Variants in AOPEP observed in about 807,000 individuals in gnomAD.
The protein encoded by AOPEP is aminopeptidase O.
Under a neutral mutation model 98.1 loss-of-function variants are expected in AOPEP, and 77 were observed. The observed-to-expected ratio is 0.78, with a 90% CI of 0.65 to 0.95. AOPEP has a LOEUF of 0.95. AOPEP is among the 40% of genes least tolerant of loss of function. The pLI is 0.00. For missense variants in AOPEP, 1,024 were observed against 1,024.7 expected (o/e 1.00, Z 0.01); for synonymous variants, 346 against 365.3 (o/e 0.95, Z 0.60).
intron 5 of AOPEP, among the ~76,000 whole-genome samples, chr9:94,857,941 C>T (rs2044435245): frequency 6.6e-6 from 1 of 151,828 alleles, no homozygotes; most frequent in Admixed American, 6.6e-5. Context: ...TTTTAAGACA[C>T]AGGATCTCAC....
intron 11 of AOPEP, among the ~76,000 whole-genome samples, chr9:94,989,609 CT>C (rs71498953): frequency 0.043 from 5,301 of 123,898 alleles, 236 homozygotes; most frequent in African/African-American, 0.15. Context: ...GTAACCCAAA[CT>C]TTTTTTTTTT....
intron 5 of AOPEP, among the ~76,000 whole-genome samples, chr9:94,818,350 A>G (rs139303966): frequency 3.0e-3 from 456 of 152,330 alleles, no homozygotes; most frequent in Non-Finnish European, 4.8e-3. Context: ...TACAGTTCCT[A>G]TCAACCCAAT....
At chr9:94,726,915 C>T (rs1472258565) in intron 1 of AOPEP, among the ~76,000 whole-genome samples, 164 bp downstream of exon 1, 3 of 152,224 alleles carry the variant, frequency 2.0e-5, no homozygotes, top group Non-Finnish European at 4.4e-5. Flanking sequence ...TTCTCCCAGA[C>T]TCCTGGGGCT....
chr9:94,810,961 T>C (rs984441871), intron 5 of AOPEP, among the ~76,000 whole-genome samples: 1 of 152,224 alleles, frequency 6.6e-6, no homozygotes, highest in African/African-American at 2.4e-5. Context: ...CTGAAGGCCT[T>C]CTTCCTTCAG....
intron 13 of AOPEP, among the ~76,000 whole-genome samples, chr9:95,056,942 A>G (rs1036584764): frequency 6.6e-6 from 1 of 152,168 alleles, no homozygotes; most frequent in African/African-American, 2.4e-5. Flanking sequence ...TTGTAGTCCT[A>G]TTTTGTGTAA....
chr9:95,146,353 T>C, the AOPEP span, among the ~76,000 whole-genome samples: 2 of 151,776 alleles, frequency 1.3e-5, no homozygotes, highest in East Asian at 3.9e-4. Flanking sequence ...CCAGGCATGG[T>C]AGCACACACC....
At chr9:94,875,553 A>C (rs1280479384) in intron 5 of AOPEP, among the ~76,000 whole-genome samples, 1 of 152,184 alleles carries the variant, frequency 6.6e-6, no homozygotes, top group Non-Finnish European at 1.5e-5. Flanking sequence ...GACAGTTTGA[A>C]TAGTTGGCCA....
At chr9:95,076,635 G>T (rs114120286) in intron 14 of AOPEP, among the ~76,000 whole-genome samples, 1,916 of 152,298 alleles carry the variant, frequency 0.013, 42 homozygotes, top group African/African-American at 0.043. Context: ...TGCAATCCAT[G>T]AAGTTATCTT....
the AOPEP span, among the ~76,000 whole-genome samples, chr9:95,102,734 T>G: frequency 6.6e-6 from 1 of 152,228 alleles, no homozygotes; most frequent in East Asian, 1.9e-4. Context: ...CAGGACACCC[T>G]TCAGAACTGG....
chr9:95,092,354 C>G, the AOPEP span, among the ~76,000 whole-genome samples: 1 of 152,130 alleles, frequency 6.6e-6, no homozygotes, highest in Non-Finnish European at 1.5e-5. Flanking sequence ...GCCACCCCTA[C>G]CTGACCCTGG....
At chr9:94,996,393 A>T (rs865835657) in intron 11 of AOPEP, among the ~76,000 whole-genome samples, 1,859 of 101,402 alleles carry the variant, frequency 0.018, 12 homozygotes, top group Middle Eastern at 0.062. Context: ...TGTGTGTGTG[A>T]GAGAGAGATT....
chr9:95,099,432 G>A, the AOPEP span: 2 of 225,840 alleles, frequency 8.9e-6, no homozygotes, highest in Non-Finnish European at 1.7e-5. Flanking sequence ...CCTCGGCCAC[G>A]CCGCGTCCCC....
intron 7 of AOPEP, among the ~76,000 whole-genome samples, chr9:94,953,202 G>A (rs1241997963): frequency 6.6e-6 from 1 of 152,188 alleles, no homozygotes; most frequent in African/African-American, 2.4e-5. Flanking sequence ...CAAAAACATT[G>A]CATGGCAGGA....
Position 95,005,193 on chromosome 9 carries a change from C to T in AOPEP, c.2013C>T (p.Cys671=), listed in dbSNP as rs773825659. The T allele has an allele frequency of 1.8e-6, 2 of 1,138,504 alleles. No individual in the cohort carries two copies. Among genetic ancestry groups the T allele is most frequent in the South Asian group, 3.5e-5 (1 of 28,690 alleles). The allele number at this position is 1,138,504 out of a possible 1,614,324, so 70.5% of individuals were successfully genotyped here. The change falls in exon 12 of 17, where the codon TGC becomes TGT. Residue 671 remains cysteine (C), a synonymous_variant. Transcript: ENST00000375315. Reference sequence around the variant, plus strand: ...GGGAGCGTCGCGCCGGGGCGGAGTGCGGGCTTGCGCGGCAAGTGCGCGCCG... The same window carrying T: ...GGGAGCGTCGCGCCGGGGCGGAGTGTGGGCTTGCGCGGCAAGTGCGCGCCG... The part of the protein sequence containing the change: ...LQRERRAGAE[C]GLARQVRAEV...
intron 5 of AOPEP, among the ~76,000 whole-genome samples, chr9:94,805,342 T>C (rs2133848785): frequency 6.6e-6 from 1 of 152,296 alleles, no homozygotes; most frequent in Non-Finnish European, 1.5e-5. Flanking sequence ...GGGAGAAGTC[T>C]CAGATCACCA....
chr9:94,737,903 G>A (rs1025697000), intron 1 of AOPEP, among the ~76,000 whole-genome samples: 1 of 152,166 alleles, frequency 6.6e-6, no homozygotes, highest in Non-Finnish European at 1.5e-5. Flanking sequence ...GCTTTAAACT[G>A]CCATTTTTGA....
At chr9:94,741,975 A>G (rs896933546) in intron 1 of AOPEP, among the ~76,000 whole-genome samples, 2 of 152,220 alleles carry the variant, frequency 1.3e-5, no homozygotes. Flanking sequence ...GTGCAGTCAC[A>G]TGTCAGTAAC....
chr9:94,800,873 G>A lies in AOPEP; in HGVS notation c.1235G>A (p.Cys412Tyr), dbSNP rs1256906319. Residue 412 changes from cysteine (C) to tyrosine (Y), a missense_variant, in exon 5 of 17, where the codon TGC becomes TAC. Around this residue, in one of 3 missense-constraint regions of AOPEP, gnomAD observed 566 missense variants for 551.7 expected, o/e 1.03. Transcript: ENST00000375315. ...GCCCCTGTGTGCCTCACGGGTGCCT[G>A]CCAAGAGACCCTTCTGCGGCTGATC... Reference protein sequence around the residue: ...VFAPVCLTGACQETLLRLIPP... With the variant: ...VFAPVCLTGAYQETLLRLIPP... The A allele has an allele frequency of 6.2e-7, 1 of 1,614,136 alleles. No homozygotes were observed. The highest frequency in any genetic ancestry group is 1.7e-5 in the Admixed American group (1 of 60,032).
intron 14 of AOPEP, among the ~76,000 whole-genome samples, chr9:95,077,930 G>A (rs1457276514): frequency 6.6e-6 from 1 of 152,040 alleles, no homozygotes. Flanking sequence ...TATCTGGCCT[G>A]CCCAGCCTCC....
Sources: allele counts gnomAD v4.1 joint callset (sites outside exome capture counted in the v4.1 genomes callset), GRCh38; gene constraint gnomAD v4.1.1; regional missense constraint gnomAD v4.1.1; transcripts MANE v1.5; gene names NCBI Gene and HGNC (gene_info 2026-07-23, HGNC 2026-07-21).